Variants in FYN observed in about 807,000 individuals in gnomAD.
FYN encodes FYN proto-oncogene, Src family tyrosine kinase, also known as tyrosine-protein kinase Fyn.
Under a neutral mutation model 70.2 loss-of-function variants are expected in FYN, and 10 were observed. That is an observed-to-expected ratio of 0.14 (90% CI 0.09 to 0.24). The LOEUF (loss-of-function observed/expected upper bound fraction) is 0.24. Among genes scored for constraint, FYN ranks in the 10% least tolerant of loss-of-function variants. The probability of loss-of-function intolerance (pLI) is 1.00; values close to 1 mark genes in which losing one functional copy is unlikely to be tolerated. For missense variants in FYN, 319 were observed against 673.1 expected (o/e 0.47, Z 5.82); for synonymous variants, 236 against 248.6 (o/e 0.95, Z 0.48).
chr6:111,851,203 C>A (rs144024068), intron 1 of FYN, among the ~76,000 whole-genome samples: 221 of 152,242 alleles, frequency 1.5e-3, no homozygotes, highest in African/African-American at 5.2e-3. Context: ...CCTGGTGTCC[C>A]CCACATTGGG....
intron 1 of FYN, among the ~76,000 whole-genome samples, chr6:111,857,371 C>A (rs1773849262): frequency 6.6e-6 from 1 of 152,142 alleles, no homozygotes; most frequent in Non-Finnish European, 1.5e-5. Flanking sequence ...ACTAGCTAAA[C>A]AAGGGGAAGC....
intron 12 of FYN, among the ~76,000 whole-genome samples, chr6:111,684,845 G>A (rs914783106): frequency 9.2e-5 from 14 of 152,152 alleles, no homozygotes; most frequent in African/African-American, 3.4e-4. Context: ...CTGTGTTATG[G>A]AGGCTTATTT....
intron 12 of FYN, among the ~76,000 whole-genome samples, chr6:111,686,980 C>T (rs1422794034): frequency 6.6e-6 from 1 of 152,214 alleles, no homozygotes; most frequent in African/African-American, 2.4e-5. Flanking sequence ...AACAGGGATC[C>T]ACTTCTTCCT....
rs79990009 is a variant in FYN at position 111,797,288 on chromosome 6, T to G, written c.-81-16653A>C. The stretch of plus-strand genomic sequence containing the variant: ...AAAATGTGAGGACAAAAAATTAGGC[T>G]GAGTGAAAGGAAAACAGGATACGGA... On this transcript the variant is annotated intron_variant, in intron 2 of 13. Coordinates refer to ENST00000354650, the MANE Select transcript of FYN (RefSeq NM_002037.5). 7.9e-3 allele frequency among the ~76,000 whole-genome samples: 1,202 copies of G among 152,288 alleles called. 47 individuals carry two copies. The highest frequency in any genetic ancestry group is 0.053 in the Admixed American group (812 of 15,298).
At chr6:111,821,029 T>A (rs999171325) in intron 2 of FYN, among the ~76,000 whole-genome samples, 1 of 152,202 alleles carries the variant, frequency 6.6e-6, no homozygotes, top group African/African-American at 2.4e-5. Context: ...TAAAAAAGAC[T>A]TTACATACCT....
At position 111,848,576 on chromosome 6, in the gene FYN, T is replaced by C. The variant is rs79187069; in HGVS notation, c.-122-1947A>G. On this transcript the variant is annotated intron_variant, in intron 1 of 13. Transcript: ENST00000354650. ...GGAGTTAACTAACAAAAACAATATATACACCCATCATTCTGCAGCCATAAA... is the reference window on the plus strand; with the variant it reads ...GGAGTTAACTAACAAAAACAATATACACACCCATCATTCTGCAGCCATAAA... Among the ~76,000 whole-genome samples, 827 of 152,280 alleles carry C rather than the reference T, an allele frequency of 5.4e-3. 3 individuals carry two copies. Among genetic ancestry groups the C allele is most frequent in the Admixed American group, 9.2e-3 (141 of 15,294 alleles).
Position 111,830,947 on chromosome 6 carries a change from T to C in FYN, c.-82+15642A>G, listed in dbSNP as rs76063727. On this transcript the variant is annotated intron_variant, in intron 2 of 13. Coordinates refer to ENST00000354650, the MANE Select transcript of FYN (RefSeq NM_002037.5). Reference sequence around the variant, plus strand: ...CTGTAGACATGGGCATGGGAGAGACTAGGCAAGGGGGTGGAAGTGCAAAAC... The same window carrying C: ...CTGTAGACATGGGCATGGGAGAGACCAGGCAAGGGGGTGGAAGTGCAAAAC... Among the ~76,000 whole-genome samples the C allele has an allele frequency of 5.9e-5, 9 of 152,010 alleles. No individual in the cohort carries two copies. In the East Asian group the frequency reaches 1.7e-3, roughly 29 times the overall value.
chr6:111,741,809 T>C (rs1261880829), intron 3 of FYN, among the ~76,000 whole-genome samples: 2 of 152,244 alleles, frequency 1.3e-5, no homozygotes, highest in Non-Finnish European at 2.9e-5. Flanking sequence ...CACAGACCAC[T>C]GGGCCTCCCC....
intron 2 of FYN, among the ~76,000 whole-genome samples, chr6:111,826,795 C>T (rs1171520988): frequency 2.6e-5 from 4 of 152,124 alleles, no homozygotes; most frequent in African/African-American, 9.7e-5. Context: ...CCTTGTTCAC[C>T]GATTTAGGCC....
At chr6:111,801,648 G>C (rs1206900310) in intron 2 of FYN, among the ~76,000 whole-genome samples, 1 of 152,146 alleles carries the variant, frequency 6.6e-6, no homozygotes, top group Non-Finnish European at 1.5e-5. Context: ...GATCCTACTA[G>C]AAAAACATAA....
At chr6:111,715,903 C>T (rs1329363448) in intron 4 of FYN, among the ~76,000 whole-genome samples, 4 of 152,102 alleles carry the variant, frequency 2.6e-5, no homozygotes, top group Non-Finnish European at 5.9e-5. Flanking sequence ...TGGATCCAAG[C>T]GGTGCCACAC....
rs963264093 is a variant in FYN at position 111,734,676 on chromosome 6, T to C, written c.-11-14614A>G. 4.0e-5 allele frequency among the ~76,000 whole-genome samples: 6 copies of C among 151,150 alleles called. No individual in the cohort carries two copies. In the South Asian group the frequency reaches 1.3e-3, roughly 33 times the overall value. On this transcript the variant is annotated intron_variant, in intron 3 of 13. Coordinates refer to ENST00000354650, the MANE Select transcript of FYN (RefSeq NM_002037.5). ...TGGAGATGAAGTTAGAAGAAAACAATAACAAGAATGAAGAAACGACCCCCC... is the reference window on the plus strand; with the variant it reads ...TGGAGATGAAGTTAGAAGAAAACAACAACAAGAATGAAGAAACGACCCCCC...
intron 2 of FYN, among the ~76,000 whole-genome samples, chr6:111,808,351 A>C (rs530691834): frequency 1.3e-5 from 2 of 152,314 alleles, no homozygotes; most frequent in Non-Finnish European, 2.9e-5. Flanking sequence ...AGGGGGAAAC[A>C]GGTAGGGTGG....
At chr6:111,770,465 T>C (rs974718755) in intron 3 of FYN, among the ~76,000 whole-genome samples, 2 of 152,108 alleles carry the variant, frequency 1.3e-5, no homozygotes, top group African/African-American at 4.8e-5. Context: ...GGAAGAAACA[T>C]TGTGGGTGAC....
intron 3 of FYN, among the ~76,000 whole-genome samples, chr6:111,736,050 G>T (rs555310209): frequency 1.3e-5 from 2 of 152,314 alleles, no homozygotes; most frequent in African/African-American, 4.8e-5. Flanking sequence ...CATCTGCAAT[G>T]CAGGTCATCA....
intron 3 of FYN, among the ~76,000 whole-genome samples, chr6:111,730,044 G>T (rs1375179399): frequency 1.3e-5 from 2 of 152,174 alleles, no homozygotes; most frequent in East Asian, 3.8e-4. Flanking sequence ...AAAATTAAGA[G>T]GGAGAGACTG....
At chr6:111,789,841 G>A (rs1441199374) in intron 2 of FYN, among the ~76,000 whole-genome samples, 1 of 152,184 alleles carries the variant, frequency 6.6e-6, no homozygotes, top group African/African-American at 2.4e-5. Flanking sequence ...TGCTGGACAC[G>A]TCTAGCTCTC....
At chr6:111,869,218 G>A (rs1246819356) in intron 1 of FYN, among the ~76,000 whole-genome samples, 1 of 152,252 alleles carries the variant, frequency 6.6e-6, no homozygotes, top group South Asian at 2.1e-4. Context: ...GAATATGCAA[G>A]ACTCACAGAC....
chr6:111,671,258 A>G (rs1798255317), intron 13 of FYN, among the ~76,000 whole-genome samples: 1 of 152,074 alleles, frequency 6.6e-6, no homozygotes, highest in African/African-American at 2.4e-5. Context: ...CTCTCACACA[A>G]CTTGCCAATG....
Sources: gnomAD v4.1 joint callset for allele counts (sites outside exome capture counted in the v4.1 genomes callset) on GRCh38, gnomAD v4.1.1 for gene constraint, MANE v1.5 for transcripts, NCBI Gene and HGNC (gene_info 2026-07-23, HGNC 2026-07-21) for gene names.